The following ZNRF3 variants were observed in gnomAD, a reference collection of about 807,000 sequenced individuals.
ZNRF3 encodes E3 ubiquitin-protein ligase ZNRF3.
Under a neutral mutation model 72.5 loss-of-function variants are expected in ZNRF3, and 23 were observed. The ratio of observed to expected loss-of-function variants is 0.32; its 90% confidence interval spans 0.23 to 0.45. ZNRF3 has a LOEUF of 0.45. Among genes scored for constraint, ZNRF3 ranks in the 20% least tolerant of loss-of-function variants. The pLI is 1.00. For synonymous variants in ZNRF3, 610 were observed against 545.3 expected, an observed-to-expected ratio of 1.12 and a Z score of -1.65; for missense variants, 1,169 against 1,272.1, an observed-to-expected ratio of 0.92 and a Z score of 1.23.
intron 2 of ZNRF3, among the ~76,000 whole-genome samples, chr22:29,023,045 A>G (rs2036566873): frequency 6.6e-6 from 1 of 152,192 alleles, no homozygotes; most frequent in Non-Finnish European, 1.5e-5. Flanking sequence ...TTTTTAAAAA[A>G]TTCTTTCCTT....
At chr22:28,918,534 G>GTATC in intron 1 of ZNRF3, among the ~76,000 whole-genome samples, 1 of 24,488 alleles carries the variant, frequency 4.1e-5, no homozygotes, top group Non-Finnish European at 1.0e-4. Flanking sequence ...ATCTGCATGT[G>GTATC]TGCGTGTGTG....
At position 29,049,852 on chromosome 22, in the gene ZNRF3, C is replaced by T. The variant is rs766637752; in HGVS notation, c.1671C>T (p.Ser557=). Residue 557 remains serine, a synonymous_variant, in exon 8 of 9, where the codon TCC becomes TCT. Transcript: ENST00000544604. This position sits in a 1 kb window ranked among gnomAD's most constrained non-coding sequence, Gnocchi z 5.2. ...GCGACAGCAGCAGCAGCAGCAGCTCCGGCCAGTGCCACTGTTCCTCCAGTG... is the reference window on the plus strand; with the variant it reads ...GCGACAGCAGCAGCAGCAGCAGCTCTGGCCAGTGCCACTGTTCCTCCAGTG... The part of the protein sequence containing the change: ...PGSDSSSSSS[S]GQCHCSSSDS... The T allele has an allele frequency of 6.8e-6, 11 of 1,607,734 alleles. No individual in the cohort carries two copies. The highest frequency in any genetic ancestry group is 5.0e-5 in the Admixed American group (3 of 59,728).
chr22:28,947,533 C>A (rs765981783), intron 1 of ZNRF3, among the ~76,000 whole-genome samples: 64 of 152,108 alleles, frequency 4.2e-4, no homozygotes, highest in Non-Finnish European at 7.1e-4. Flanking sequence ...TATTTATATT[C>A]TTTTTATTAT....
At chr22:29,009,658 C>A (rs1418589948) in intron 2 of ZNRF3, among the ~76,000 whole-genome samples, 2 of 151,996 alleles carry the variant, frequency 1.3e-5, no homozygotes, top group Non-Finnish European at 2.9e-5. Context: ...TTTTTATATA[C>A]CTGAATTAAA....
At chr22:29,010,712 C>G (rs376842909) in intron 2 of ZNRF3, among the ~76,000 whole-genome samples, 27 of 152,192 alleles carry the variant, frequency 1.8e-4, no homozygotes, top group African/African-American at 6.0e-4. Context: ...ACTCTGCACC[C>G]AGGCTGGAGT....
chr22:28,991,992 A>T (rs2035961107), intron 2 of ZNRF3, among the ~76,000 whole-genome samples: 1 of 152,024 alleles, frequency 6.6e-6, no homozygotes. Context: ...AAGAATAAAA[A>T]AAAAAAAATA....
intron 1 of ZNRF3, among the ~76,000 whole-genome samples, chr22:28,960,082 C>T (rs975145770): frequency 2.6e-5 from 4 of 152,158 alleles, no homozygotes; most frequent in Non-Finnish European, 1.5e-5. Flanking sequence ...TTTATCTGTT[C>T]TTGGCCTGTT....
intron 2 of ZNRF3, among the ~76,000 whole-genome samples, chr22:28,999,321 A>G (rs1445300352): frequency 3.3e-5 from 5 of 151,966 alleles, no homozygotes; most frequent in Non-Finnish European, 5.9e-5. Context: ...GCGACAGAAC[A>G]AGACTCTGTC....
At chr22:28,982,854 G>A (rs1201219369) in intron 1 of ZNRF3, among the ~76,000 whole-genome samples, 1 of 152,182 alleles carries the variant, frequency 6.6e-6, no homozygotes, top group Non-Finnish European at 1.5e-5. Context: ...CGATGCTGTC[G>A]TCAGGGGCCA....
chr22:28,891,315 G>C (rs1241663114), intron 1 of ZNRF3, among the ~76,000 whole-genome samples: 1 of 152,156 alleles, frequency 6.6e-6, no homozygotes, highest in Non-Finnish European at 1.5e-5. Context: ...AGTGTGACAG[G>C]GGACACCAGA....
intron 1 of ZNRF3, among the ~76,000 whole-genome samples, chr22:28,942,592 G>C (rs2034967375): frequency 6.6e-6 from 1 of 152,134 alleles, no homozygotes; most frequent in Non-Finnish European, 1.5e-5. Context: ...GCGAGAGAGT[G>C]GAATTTGATT....
chr22:28,915,519 T>A (rs2034392353), intron 1 of ZNRF3, among the ~76,000 whole-genome samples: 1 of 152,176 alleles, frequency 6.6e-6, no homozygotes, highest in South Asian at 2.1e-4. Flanking sequence ...ACCCTCCAGA[T>A]TTCTGAAGGT....
chr22:28,937,482 C>A (rs2034861598), intron 1 of ZNRF3, among the ~76,000 whole-genome samples: 1 of 152,008 alleles, frequency 6.6e-6, no homozygotes, highest in South Asian at 2.1e-4. Context: ...TTGCAAGTTT[C>A]ATTGTTCTAT....
At chr22:29,018,013 A>G (rs2347790) in intron 2 of ZNRF3, 233,863 of 518,198 alleles carry the variant, frequency 0.45, 54,370 homozygotes, top group Non-Finnish European at 0.5. Flanking sequence ...GTATGCCTTA[A>G]CTTTTCAGAA....
intron 4 of ZNRF3, among the ~76,000 whole-genome samples, chr22:29,043,879 A>G (rs1461565951): frequency 6.6e-6 from 1 of 152,180 alleles, no homozygotes; most frequent in Non-Finnish European, 1.5e-5. Context: ...AAACTCCCCA[A>G]GTTAATTTGA....
chr22:29,013,643 T>C (rs539804333), intron 2 of ZNRF3, among the ~76,000 whole-genome samples: 1 of 152,318 alleles, frequency 6.6e-6, no homozygotes, highest in Admixed American at 6.5e-5. Flanking sequence ...AAAATGGTGT[T>C]AAGAGAGGGT....
chr22:28,983,794 A>G lies in ZNRF3; in HGVS notation c.301-3282A>G, dbSNP rs796748317. 3.9e-5 allele frequency among the ~76,000 whole-genome samples: 6 copies of G among 152,348 alleles called. 1 individual carries two copies. Among genetic ancestry groups the G allele is most frequent in the African/African-American group, 1.4e-4 (6 of 41,586 alleles). On this transcript the variant is annotated intron_variant, in intron 1 of 8. Transcript: ENST00000544604. ...AGATTAAATGCAAAACAAGTTTATA[A>G]ACAAAGGGTAGGAAATGGTGGTTTT... is the stretch of plus-strand genomic sequence containing the variant.
rs2037084473 is a variant in ZNRF3, at chr22:29,046,947, A to G, written c.912+64A>G. 5.0e-6 allele frequency: 7 copies of G among 1,391,342 alleles called. No homozygotes were observed. The South Asian group carries it at 9.5e-5, about 19-fold the overall frequency. The allele number at this position is 1,391,342 out of a possible 1,614,324, so 86.2% of individuals were successfully genotyped here. A position where few individuals can be genotyped will look rare whatever the true frequency, so the allele number is the denominator to read the frequency against. On this transcript the variant is annotated intron_variant, in intron 6 of 8. Transcript: ENST00000544604. ...ATAGGCAGGTCAGCAGAGGTGCCCA[A>G]GACCTAGAAGGACAGGGCCCTGTGT...
chr22:29,040,193 T>C (rs1216447506), intron 2 of ZNRF3, among the ~76,000 whole-genome samples: 1 of 151,938 alleles, frequency 6.6e-6, no homozygotes, highest in Non-Finnish European at 1.5e-5. Flanking sequence ...CCCCTTTTTT[T>C]TTTTGAGGCA....
Sources: allele counts gnomAD v4.1 joint callset (sites outside exome capture counted in the v4.1 genomes callset), GRCh38; gene constraint gnomAD v4.1.1; non-coding constraint Gnocchi (gnomAD v3.1); transcripts MANE v1.5; gene names NCBI Gene and HGNC (gene_info 2026-07-23, HGNC 2026-07-21).